The following NF1 variants were observed in gnomAD, a reference collection of about 807,000 sequenced individuals.
The protein encoded by NF1 is neurofibromin.
In NF1, 122 loss-of-function variants were observed where a neutral mutation model predicts 325.7. The observed-to-expected ratio is 0.37, with a 90% CI of 0.32 to 0.44. The LOEUF (loss-of-function observed/expected upper bound fraction) is 0.44, where lower values mean the gene tolerates loss of function less well. Ranked by LOEUF, NF1 falls within the 20% of genes least tolerant of loss-of-function variation. The probability of loss-of-function intolerance (pLI) is 1.00; values close to 1 mark genes in which losing one functional copy is unlikely to be tolerated. For synonymous variants in NF1, 1,091 were observed against 1,186.0 expected (o/e 0.92, Z 1.65); for missense variants, 2,140 against 3,415.4 (o/e 0.63, Z 9.31).
chr17:31,360,458 CT>C, intron 56 of NF1, 28 bp from the exon 57 acceptor site: 1 of 1,589,022 alleles, frequency 6.3e-7, no homozygotes, highest in Non-Finnish European at 8.6e-7. Context: ...AAAAAAGGAA[CT>C]AAAATAATTT....
chr17:31,337,304 A>G, intron 42 of NF1, 64 bp from the exon 43 acceptor site: 1 of 1,320,098 alleles, frequency 7.6e-7, no homozygotes, highest in Non-Finnish European at 1.1e-6. Context: ...AAAATGAAAC[A>G]TGGAACTTTA....
At chr17:31,096,129 CT>C (rs1275802103) in intron 1 of NF1, among the ~76,000 whole-genome samples, 2 of 147,802 alleles carry the variant, frequency 1.4e-5, no homozygotes, top group Non-Finnish European at 3.0e-5. Context: ...ATTGCAGTCT[CT>C]TCCCCCCCCC....
intron 1 of NF1, among the ~76,000 whole-genome samples, chr17:31,118,331 G>T (rs1267234126): frequency 6.6e-6 from 1 of 150,932 alleles, no homozygotes; most frequent in African/African-American, 2.4e-5. Flanking sequence ...TGGGATACAC[G>T]TGCAGAATGT....
At chr17:31,103,341 C>G (rs779330113) in intron 1 of NF1, among the ~76,000 whole-genome samples, 6 of 152,108 alleles carry the variant, frequency 3.9e-5, no homozygotes, top group Admixed American at 1.3e-4. Flanking sequence ...CTCCCGGGTT[C>G]AAGTGATTCT....
intron 1 of NF1, among the ~76,000 whole-genome samples, chr17:31,149,795 A>G (rs1916808023): frequency 6.6e-6 from 1 of 152,132 alleles, no homozygotes. Flanking sequence ...TGAGATTATG[A>G]AGGAGGAGCT....
intron 39 of NF1, 150 bp downstream of exon 39, chr17:31,330,648 T>G (rs2069459167): frequency 3.1e-6 from 2 of 655,174 alleles, no homozygotes; most frequent in Middle Eastern, 8.3e-4. Context: ...ATCCTGTAAC[T>G]GAAGGAACTC....
At chr17:31,170,775 T>G (rs563411678) in intron 5 of NF1, among the ~76,000 whole-genome samples, 1 of 152,324 alleles carries the variant, frequency 6.6e-6, no homozygotes, top group African/African-American at 2.4e-5. Flanking sequence ...CAGTGATGTA[T>G]TCATGTAAAT....
intron 17 of NF1, 51 bp from the exon 18 acceptor site, chr17:31,226,384 A>G (rs375408620): frequency 1.0e-5 from 16 of 1,582,324 alleles, no homozygotes; most frequent in Admixed American, 3.5e-5. Context: ...TAGATTTTAT[A>G]CATAAAATTA....
intron 46 of NF1, among the ~76,000 whole-genome samples, chr17:31,339,418 T>C (rs1416936744): frequency 1.3e-5 from 2 of 152,284 alleles, no homozygotes; most frequent in Non-Finnish European, 2.9e-5. Flanking sequence ...TGTTTTTGTA[T>C]TAATAAAATG....
At chr17:31,128,959 T>G (rs1915121290) in intron 1 of NF1, among the ~76,000 whole-genome samples, 1 of 151,726 alleles carries the variant, frequency 6.6e-6, no homozygotes, top group African/African-American at 2.4e-5. Flanking sequence ...AATATAGACC[T>G]CCAATCTCTT....
intron 1 of NF1, among the ~76,000 whole-genome samples, chr17:31,103,821 A>AT (rs1046996949): frequency 1.3e-5 from 2 of 152,092 alleles, no homozygotes; most frequent in Admixed American, 1.3e-4. Flanking sequence ...AGTAAAAAAA[A>AT]CAAATAAAAA....
chr17:31,154,794 C>T (rs1008767228), intron 1 of NF1, among the ~76,000 whole-genome samples: 1 of 141,794 alleles, frequency 7.1e-6, no homozygotes, highest in Non-Finnish European at 1.5e-5. Flanking sequence ...GGCTGGAGTG[C>T]AGTGGCGTAA....
At position 31,316,935 on chromosome 17, in the gene NF1, G is replaced by A. The variant is rs148316543; in HGVS notation, c.4836-8885G>A. ...GAGCAGTTATCACCTTGAGAGTTAC[G>A]TAAAAATTACCAATGCTTAGAGTTC... On this transcript the variant is annotated intron_variant, in intron 36 of 57. Transcript: ENST00000358273. 1.5e-3 allele frequency among the ~76,000 whole-genome samples: 230 copies of A among 152,112 alleles called. 1 individual carries two copies. Among genetic ancestry groups the A allele is most frequent in the African/African-American group, 5.0e-3 (207 of 41,498 alleles).
At chr17:31,162,908 A>G (rs2065787060) in intron 3 of NF1, among the ~76,000 whole-genome samples, 1 of 152,172 alleles carries the variant, frequency 6.6e-6, no homozygotes, top group South Asian at 2.1e-4. Flanking sequence ...CGTTTGGTGA[A>G]CAAGAGAGCA....
Position 31,200,584 on chromosome 17 carries a change from G to GTTGATCTTAAGGTAACATGCTTA in NF1, c.1054_1062+14dup. 1 of 1,614,062 alleles carries GTTGATCTTAAGGTAACATGCTTA rather than the reference G, an allele frequency of 6.2e-7. No individual in the cohort carries two copies. Among genetic ancestry groups the GTTGATCTTAAGGTAACATGCTTA allele is most frequent in the South Asian group, 1.1e-5 (1 of 91,076 alleles). On this transcript the variant is annotated frameshift_variant, in exon 9 of 58. Transcript: ENST00000358273. LOFTEE classifies it high-confidence loss of function. ...TTTCCTACTTGTTCAGTCCATGGTG[G>GTTGATCTTAAGGTAACATGCTTA]TTGATCTTAAGGTAACATGCTTATT...
intron 36 of NF1, among the ~76,000 whole-genome samples, chr17:31,312,897 C>T (rs555264963): frequency 1.4e-4 from 22 of 152,186 alleles, no homozygotes; most frequent in Admixed American, 1.4e-3. Flanking sequence ...CAGCAAGCAT[C>T]TTTTATGCAT....
intron 36 of NF1, among the ~76,000 whole-genome samples, chr17:31,291,867 C>G (rs1461582419): frequency 1.3e-5 from 2 of 152,196 alleles, no homozygotes; most frequent in Non-Finnish European, 2.9e-5. Flanking sequence ...GCAAGCACAT[C>G]CTTTCATTCC....
At chr17:31,372,681 T>C (rs2070666681) in intron 57 of NF1, among the ~76,000 whole-genome samples, 2 of 152,316 alleles carry the variant, frequency 1.3e-5, no homozygotes, top group South Asian at 4.1e-4. Context: ...CTTATTTTAG[T>C]TTCTGGTTAC....
chr17:31,194,968 C>G lies in NF1; in HGVS notation c.889-5454C>G, dbSNP rs868383418. On this transcript the variant is annotated intron_variant, in intron 8 of 57. Coordinates refer to ENST00000358273, the MANE Select transcript of NF1 (RefSeq NM_001042492.3). ...TTTTGAAAGTAACTAATTATTCGAA[C>G]AGTTATTTGTGCCAAATTAGTAATG... Among the ~76,000 whole-genome samples, 15 of 152,156 alleles carry G rather than the reference C, an allele frequency of 9.9e-5. No individual in the cohort carries two copies. In the Middle Eastern group the frequency reaches 0.017, roughly 173 times the overall value.
Sources: allele counts gnomAD v4.1 joint callset (sites outside exome capture counted in the v4.1 genomes callset), GRCh38; gene constraint gnomAD v4.1.1; transcripts MANE v1.5; gene names NCBI Gene and HGNC (gene_info 2026-07-23, HGNC 2026-07-21).